The following AKR1C1 variants were observed in gnomAD, a reference collection of about 807,000 sequenced individuals.
The protein encoded by AKR1C1 is 20 alpha-hydroxysteroid dehydrogenase.
Under a neutral mutation model 40.6 loss-of-function variants are expected in AKR1C1, and 32 were observed. The ratio of observed to expected loss-of-function variants is 0.79; its 90% confidence interval spans 0.60 to 1.06. The LOEUF (loss-of-function observed/expected upper bound fraction) is 1.06. Among genes scored for constraint, AKR1C1 ranks in the 50% least tolerant of loss-of-function variants. The pLI, the probability that AKR1C1 is intolerant of heterozygous loss-of-function variation, is 0.00. For missense variants in AKR1C1, 320 were observed against 363.5 expected, an observed-to-expected ratio of 0.88 and a Z score of 0.97; for synonymous variants, 105 against 134.2, an observed-to-expected ratio of 0.78 and a Z score of 1.50.
chr10:4,964,038 C>T (rs117564266), intron 1 of AKR1C1: 12,804 of 551,228 alleles, frequency 0.023, 208 homozygotes, highest in Non-Finnish European at 0.03. Context: ...TTACCTGAAA[C>T]GATAAAATAT....
At chr10:4,966,301 T>A (rs1476552105) in intron 2 of AKR1C1, among the ~76,000 whole-genome samples, 1 of 152,236 alleles carries the variant, frequency 6.6e-6, no homozygotes, top group African/African-American at 2.4e-5. Flanking sequence ...TGCCTTTACT[T>A]TTTGAGCTCA....
chr10:4,980,981 CT>C lies in AKR1C1; in HGVS notation c.*3240del, dbSNP rs1293979217. The stretch of plus-strand genomic sequence containing the variant: ...ATAAAACAAGAACATCAAAATTACT[CT>C]ATGATCCATGGGAAACAGAATGCAT... On this transcript the variant is annotated 3_prime_UTR_variant, in exon 9 of 9. Transcript: ENST00000380872. The C allele has an allele frequency of 3.7e-4, 56 of 152,180 alleles. No homozygotes were observed. The highest frequency in any genetic ancestry group is 1.3e-3 in the African/African-American group (55 of 41,440). 9.4% of individuals were successfully genotyped at this position (152,180 alleles called of 1,614,324 possible).
rs770722851 is a variant in AKR1C1 at position 4,967,445 on chromosome 10, T to C, written c.369+402T>C. 13 of 1,001,396 alleles carry C rather than the reference T, an allele frequency of 1.3e-5. 1 individual carries two copies. In the East Asian group the frequency reaches 4.4e-4, roughly 34 times the overall value. 62.0% of individuals were successfully genotyped at this position (1,001,396 alleles called of 1,614,324 possible). A position where few individuals can be genotyped will look rare whatever the true frequency, so the allele number is the denominator to read the frequency against. On this transcript the variant is annotated intron_variant, in intron 3 of 8. Transcript: ENST00000380872. Reference sequence around the variant, plus strand: ...GAGTTTCCATCTTCTTGCCTCTTTTTAAGGGGCGAGAACTCAGTCCGGGAG... The same window carrying C: ...GAGTTTCCATCTTCTTGCCTCTTTTCAAGGGGCGAGAACTCAGTCCGGGAG...
chr10:4,978,998 A>G lies in AKR1C1; in HGVS notation c.*1256A>G, dbSNP rs1265286268. ...GCCTTAATGATCAAAGCATTATGAG[A>G]AGGACAGTGGTTTTTAACCTGGGCA... On this transcript the variant is annotated 3_prime_UTR_variant, in exon 9 of 9. Coordinates refer to ENST00000380872, the MANE Select transcript of AKR1C1 (RefSeq NM_001353.6). The G allele has an allele frequency of 6.6e-6, 1 of 152,234 alleles. No individual in the cohort carries two copies. The highest frequency in any genetic ancestry group is 1.5e-5 in the Non-Finnish European group (1 of 68,048). 9.4% of individuals were successfully genotyped at this position (152,234 alleles called of 1,614,324 possible). A position where few individuals can be genotyped will look rare whatever the true frequency, so the allele number is the denominator to read the frequency against.
chr10:4,969,029 C>T, intron 5 of AKR1C1, 85 bp downstream of exon 5: 8 of 1,599,586 alleles, frequency 5.0e-6, no homozygotes, highest in African/African-American at 1.3e-5. Flanking sequence ...TTTAGTCCCA[C>T]TTATCTTTGT....
intron 5 of AKR1C1, among the ~76,000 whole-genome samples, chr10:4,971,443 G>A (rs1174903215): frequency 1.3e-5 from 2 of 149,272 alleles, no homozygotes; most frequent in Non-Finnish European, 3.0e-5. Context: ...GGATTCTTGT[G>A]TTATGATTTT....
chr10:4,968,583 G>A (rs1325469773), intron 4 of AKR1C1, among the ~76,000 whole-genome samples, 197 bp downstream of exon 4: 6 of 152,166 alleles, frequency 3.9e-5, no homozygotes, highest in Admixed American at 3.3e-4. Flanking sequence ...AGAATTGGGG[G>A]TAAGGAGGAC....
chr10:4,972,661 C>T lies in AKR1C1; in HGVS notation c.758C>T (p.Ala253Val), dbSNP rs1554769997. 21 of 1,613,038 alleles carry T rather than the reference C, an allele frequency of 1.3e-5. No individual in the cohort carries two copies. The highest frequency in any genetic ancestry group is 1.7e-5 in the Non-Finnish European group (20 of 1,180,030). Residue 253 changes from alanine (A) to valine (V), a missense_variant, in exon 7 of 9, where the codon GCC becomes GTC. This residue lies in a region of AKR1C1 where 77 missense variants were observed against 125.3 expected (regional missense o/e 0.61). Transcript: ENST00000380872. ...ALAKKHKRTP[A>V]LIALRYQLQR... Reference sequence around the variant, plus strand: ...GCAAAAAAGCACAAGCGAACCCCAGCCCTGATTGCCCTGCGCTACCAGCTA... The same window carrying T: ...GCAAAAAAGCACAAGCGAACCCCAGTCCTGATTGCCCTGCGCTACCAGCTA...
intron 1 of AKR1C1, among the ~76,000 whole-genome samples, chr10:4,964,083 A>G (rs984036248): frequency 2.6e-5 from 4 of 152,218 alleles, no homozygotes; most frequent in Non-Finnish European, 5.9e-5. Flanking sequence ...CTAGAACCTA[A>G]CAAGGAAAAT....
rs1836342193 is a variant in AKR1C1 at position 4,966,921 on chromosome 10, C to G, written c.253-6C>G. The G allele has an allele frequency of 1.2e-6, 2 of 1,610,824 alleles. No individual in the cohort carries two copies. Among genetic ancestry groups the G allele is most frequent in the Non-Finnish European group, 1.7e-6 (2 of 1,178,812 alleles). ...TTACACAACTTCCTTTCTCTAACCT[C>G]TGCAGCTTTGGTGCAATTCCCATCG... On this transcript the variant is annotated splice_region_variant and splice_polypyrimidine_tract_variant and intron_variant, in intron 2 of 8. Transcript: ENST00000380872.
At chr10:4,973,811 C>T (rs72769974) in intron 7 of AKR1C1, among the ~76,000 whole-genome samples, 1 of 151,718 alleles carries the variant, frequency 6.6e-6, no homozygotes, top group African/African-American at 2.4e-5. Flanking sequence ...AATTGATATA[C>T]TATTTCATAT....
chr10:4,963,630 C>G, intron 1 of AKR1C1, 102 bp downstream of exon 1: 6 of 1,010,824 alleles, frequency 5.9e-6, no homozygotes, highest in Non-Finnish European at 9.1e-6. Context: ...TGCATGACTC[C>G]CCTTTAAACG....
intron 2 of AKR1C1, among the ~76,000 whole-genome samples, chr10:4,966,351 A>C (rs1458684633): frequency 6.6e-6 from 1 of 152,248 alleles, no homozygotes; most frequent in Admixed American, 6.5e-5. Context: ...ATAGAATCAG[A>C]AAAAATCCTA....
chr10:4,973,186 G>T (rs1554770088), intron 7 of AKR1C1, among the ~76,000 whole-genome samples: 1 of 150,654 alleles, frequency 6.6e-6, no homozygotes, highest in African/African-American at 2.4e-5. Context: ...TTGGCGAGGT[G>T]GTTGTGTGTC....
In AKR1C1 at chr10:4,979,771, T is replaced by C. The variant is rs1371569071; in HGVS notation, c.*2029T>C. The C allele has an allele frequency of 6.6e-6, 1 of 151,968 alleles. No individual in the cohort carries two copies. Among genetic ancestry groups the C allele is most frequent in the Non-Finnish European group, 1.5e-5 (1 of 68,000 alleles). 9.4% of individuals were successfully genotyped at this position (151,968 alleles called of 1,614,324 possible). A position where few individuals can be genotyped will look rare whatever the true frequency, so the allele number is the denominator to read the frequency against. On this transcript the variant is annotated 3_prime_UTR_variant, in exon 9 of 9. Coordinates refer to ENST00000380872, the MANE Select transcript of AKR1C1 (RefSeq NM_001353.6). ...ATTTCATAAAGCCAAACACCTGATT[T>C]CAGGAACACTTGAGATGTAAGAAAA...
rs775284743 is a variant in AKR1C1, at chr10:4,966,083, T to C, written c.252+2T>C. 26 of 1,611,450 alleles carry C rather than the reference T, an allele frequency of 1.6e-5. No homozygotes were observed. Among genetic ancestry groups the C allele is most frequent in the Non-Finnish European group, 2.1e-5 (25 of 1,178,728 alleles). On this transcript the variant is annotated splice_donor_variant, in intron 2 of 8. Transcript: ENST00000380872. LOFTEE classifies it high-confidence loss of function. ...GAAGACATATTCTACACTTCAAAGG[T>C]ACTGTGCCTATGATGAGCTTGTGTG...
At chr10:4,974,521 T>C (rs1202353828) in intron 7 of AKR1C1, among the ~76,000 whole-genome samples, 1 of 152,100 alleles carries the variant, frequency 6.6e-6, no homozygotes, top group African/African-American at 2.4e-5. Flanking sequence ...AATATATTAC[T>C]GTGTTATCTT....
Position 4,972,670 on chromosome 10 carries a change from C to G in AKR1C1, c.767C>G (p.Ala256Gly), listed in dbSNP as rs1554770002. Residue 256 changes from alanine (A) to glycine (G), a missense_variant, in exon 7 of 9, where the codon GCC (alanine) becomes GGC (glycine). Physicochemically the swap from Ala to Gly is moderately conservative, Grantham distance 60 (BLOSUM62 0). Coordinates refer to ENST00000380872, the MANE Select transcript of AKR1C1 (RefSeq NM_001353.6). ...KKHKRTPALI[A>G]LRYQLQRGVV... ...CACAAGCGAACCCCAGCCCTGATTG[C>G]CCTGCGCTACCAGCTACAGCGTGGG... 2.5e-6 allele frequency: 4 copies of G among 1,612,964 alleles called. No homozygotes were observed. The highest frequency in any genetic ancestry group is 3.4e-6 in the Non-Finnish European group (4 of 1,180,046).
intron 5 of AKR1C1, among the ~76,000 whole-genome samples, chr10:4,971,690 A>G (rs1226828871): frequency 1.3e-5 from 2 of 151,036 alleles, no homozygotes; most frequent in African/African-American, 4.9e-5. Context: ...ATCAGTATTT[A>G]TGTGTGTATG....
Sources: allele counts gnomAD v4.1 joint callset (sites outside exome capture counted in the v4.1 genomes callset), GRCh38; gene constraint gnomAD v4.1.1; regional missense constraint gnomAD v4.1.1; transcripts MANE v1.5; gene names NCBI Gene and HGNC (gene_info 2026-07-23, HGNC 2026-07-21).